The following RGS7 variants were observed in gnomAD, a reference collection of about 807,000 sequenced individuals.
RGS7 encodes regulator of G protein signaling 7.
A neutral mutation model predicts 81.1 loss-of-function variants in RGS7; 27 were observed. The observed-to-expected ratio is 0.33, with a 90% CI of 0.25 to 0.46. RGS7 has a LOEUF of 0.46. Among genes scored for constraint, RGS7 ranks in the 20% least tolerant of loss-of-function variants. The pLI is 1.00. For missense variants in RGS7, 396 were observed against 607.4 expected (o/e 0.65, Z 3.66); for synonymous variants, 208 against 207.7 (o/e 1.00, Z -0.01).
At chr1:240,889,775 G>A in intron 6 of RGS7, among the ~76,000 whole-genome samples, 1 of 152,034 alleles carries the variant, frequency 6.6e-6, no homozygotes, top group East Asian at 1.9e-4. Flanking sequence ...AGTCTGATAT[G>A]ACGCATGGTG....
intron 2 of RGS7, among the ~76,000 whole-genome samples, chr1:241,211,482 G>A (rs749611338): frequency 1.1e-4 from 17 of 152,144 alleles, no homozygotes; most frequent in Non-Finnish European, 1.5e-5. Flanking sequence ...TGAGCAACAC[G>A]AGGTGGTGGG....
intron 2 of RGS7, among the ~76,000 whole-genome samples, chr1:241,133,917 A>G (rs557279687): frequency 1.3e-5 from 2 of 152,294 alleles, no homozygotes; most frequent in East Asian, 3.9e-4. Context: ...AATAAGAAAC[A>G]GGGAGAGAGA....
intron 2 of RGS7, among the ~76,000 whole-genome samples, chr1:241,240,070 A>G (rs2076191212): frequency 6.6e-6 from 1 of 152,202 alleles, no homozygotes; most frequent in Non-Finnish European, 1.5e-5. Flanking sequence ...GAGGTCAAAT[A>G]GTCCAGTCTC....
chr1:240,834,331 A>G (rs2147842561), intron 9 of RGS7, among the ~76,000 whole-genome samples: 1 of 152,302 alleles, frequency 6.6e-6, no homozygotes, highest in African/African-American at 2.4e-5. Context: ...ACTCTTGGGT[A>G]TGATATCTTG....
At chr1:241,059,315 T>C (rs2061630434) in intron 3 of RGS7, among the ~76,000 whole-genome samples, 1 of 152,210 alleles carries the variant, frequency 6.6e-6, no homozygotes, top group South Asian at 2.1e-4. Context: ...GATCTTTCTG[T>C]TGAGCTTCAG....
intron 4 of RGS7, among the ~76,000 whole-genome samples, chr1:240,972,064 A>T (rs3893179): frequency 0.41 from 62,319 of 152,036 alleles, 13,296 homozygotes; most frequent in East Asian, 0.67. Context: ...AACAAAATGG[A>T]GTATCCAGAA....
chr1:240,997,900 G>A (rs1436536796), intron 3 of RGS7, among the ~76,000 whole-genome samples: 1 of 152,168 alleles, frequency 6.6e-6, no homozygotes, highest in African/African-American at 2.4e-5. Flanking sequence ...ACCACGTTTT[G>A]TTCTTATCTG....
At chr1:240,889,891 G>A (rs1056156001) in intron 6 of RGS7, among the ~76,000 whole-genome samples, 1 of 152,094 alleles carries the variant, frequency 6.6e-6, no homozygotes, top group Non-Finnish European at 1.5e-5. Flanking sequence ...GCACACTAGA[G>A]GCTGATGGTG....
intron 2 of RGS7, among the ~76,000 whole-genome samples, chr1:241,110,364 G>A (rs1036789380): frequency 2.0e-5 from 3 of 152,072 alleles, no homozygotes; most frequent in African/African-American, 4.8e-5. Flanking sequence ...CTTGATTTCA[G>A]ACAAGCCCTT....
chr1:241,108,126 A>T (rs895431411), intron 2 of RGS7, among the ~76,000 whole-genome samples: 2 of 152,052 alleles, frequency 1.3e-5, no homozygotes, highest in Admixed American at 1.3e-4. Context: ...CAACATGGTG[A>T]AAGCCGGTCT....
At chr1:241,089,866 C>T (rs1246574853) in intron 3 of RGS7, among the ~76,000 whole-genome samples, 3 of 151,606 alleles carry the variant, frequency 2.0e-5, no homozygotes, top group South Asian at 2.1e-4. Flanking sequence ...ATTAGCCGGG[C>T]GCCTGTAGTC....
At chr1:241,209,028 A>G (rs1011426568) in intron 2 of RGS7, among the ~76,000 whole-genome samples, 3 of 152,210 alleles carry the variant, frequency 2.0e-5, no homozygotes, top group Non-Finnish European at 4.4e-5. Flanking sequence ...CTATGTTCTC[A>G]TGGATACAGG....
intron 6 of RGS7, among the ~76,000 whole-genome samples, chr1:240,927,881 C>A (rs550266006): frequency 6.6e-6 from 1 of 152,054 alleles, no homozygotes; most frequent in Non-Finnish European, 1.5e-5. Flanking sequence ...AGGAGATGAT[C>A]CCCTCAGAAA....
intron 2 of RGS7, among the ~76,000 whole-genome samples, chr1:241,213,000 C>T (rs2074335180): frequency 6.6e-6 from 1 of 152,174 alleles, no homozygotes; most frequent in African/African-American, 2.4e-5. Flanking sequence ...TTTCATTTTG[C>T]TTTCTATTCA....
chr1:240,778,181 T>C (rs1346092935), intron 18 of RGS7, among the ~76,000 whole-genome samples: 1 of 151,908 alleles, frequency 6.6e-6, no homozygotes, highest in Non-Finnish European at 1.5e-5. Context: ...AGGCCCTGGC[T>C]CCTAATACCA....
At chr1:241,142,845 G>C (rs540841463) in intron 2 of RGS7, among the ~76,000 whole-genome samples, 43 of 152,178 alleles carry the variant, frequency 2.8e-4, no homozygotes, top group Non-Finnish European at 5.6e-4. Flanking sequence ...TTGTCAAGCT[G>C]CGAATTTTCC....
At chr1:241,042,314 C>T (rs1187057531) in intron 3 of RGS7, among the ~76,000 whole-genome samples, 1 of 152,130 alleles carries the variant, frequency 6.6e-6, no homozygotes, top group Non-Finnish European at 1.5e-5. Context: ...CTCAGAAGAA[C>T]TCTCCCATCA....
intron 2 of RGS7, among the ~76,000 whole-genome samples, chr1:241,343,983 T>C (rs988494954): frequency 6.6e-6 from 1 of 152,166 alleles, no homozygotes; most frequent in Non-Finnish European, 1.5e-5. Flanking sequence ...CCAAGACAAA[T>C]AACAGAGTAA....
At chr1:240,963,740 T>C (rs766201618) in intron 4 of RGS7, among the ~76,000 whole-genome samples, 2 of 152,206 alleles carry the variant, frequency 1.3e-5, no homozygotes, top group East Asian at 1.9e-4. Flanking sequence ...AGGAGAGACA[T>C]AGGAGAATAG....
Sources: gnomAD v4.1 joint callset for allele counts (sites outside exome capture counted in the v4.1 genomes callset) on GRCh38, gnomAD v4.1.1 for gene constraint, MANE v1.5 for transcripts, NCBI Gene and HGNC (gene_info 2026-07-23, HGNC 2026-07-21) for gene names.